BMPER: variants seen among roughly 807,000 people sequenced by gnomAD.
BMPER encodes the protein BMP binding endothelial regulator.
A neutral mutation model predicts 87.3 loss-of-function variants in BMPER; 45 were observed. The ratio of observed to expected loss-of-function variants is 0.52; its 90% CI spans 0.41 to 0.66. The LOEUF is 0.66. Among genes scored for constraint, BMPER ranks in the 30% least tolerant of loss-of-function variants. The pLI, the probability that BMPER is intolerant of heterozygous loss-of-function variation, is 0.00. For missense variants in BMPER, 784 were observed against 867.5 expected, an observed-to-expected ratio of 0.90 and a Z score of 1.21; for synonymous variants, 326 against 316.2, an observed-to-expected ratio of 1.03 and a Z score of -0.33.
intron 13 of BMPER, among the ~76,000 whole-genome samples, chr7:34,111,790 T>G (rs919657929): frequency 2.6e-5 from 4 of 152,190 alleles, no homozygotes; most frequent in African/African-American, 9.7e-5. Context: ...CTCGGCTCAC[T>G]GCAACCTCTG....
In BMPER at chr7:34,153,480, T is replaced by C. The variant is rs1791237763; in HGVS notation, c.*207T>C. ...ATTATTATATGTATATTTTTTGCTA[T>C]AAGACATGTATTGTTTCTAGGATCC... is the stretch of plus-strand genomic sequence containing the variant. On this transcript the variant is annotated 3_prime_UTR_variant, in exon 15 of 15. Transcript: ENST00000649409. The C allele has an allele frequency of 1.7e-5, 10 of 575,626 alleles. No individual in the cohort carries two copies. In the South Asian group the frequency reaches 2.2e-4, roughly 12 times the overall value. The allele number at this position is 575,626 out of a possible 1,614,324, so 35.7% of individuals were successfully genotyped here. A position where few individuals can be genotyped will look rare whatever the true frequency, so the allele number is the denominator to read the frequency against.
chr7:34,135,783 C>T (rs1790702822), intron 13 of BMPER, among the ~76,000 whole-genome samples: 1 of 152,204 alleles, frequency 6.6e-6, no homozygotes, highest in South Asian at 2.1e-4. Context: ...CTGTTAGCCT[C>T]TGTACCTTGT....
intron 2 of BMPER, among the ~76,000 whole-genome samples, chr7:33,907,918 T>G (rs1214719389): frequency 6.6e-6 from 1 of 152,156 alleles, no homozygotes; most frequent in Non-Finnish European, 1.5e-5. Context: ...AGAGTTGAGG[T>G]CAATGTTTTG....
intron 2 of BMPER, among the ~76,000 whole-genome samples, chr7:33,914,496 G>A (rs529245302): frequency 6.6e-6 from 1 of 152,258 alleles, no homozygotes; most frequent in East Asian, 1.9e-4. Context: ...GGTCATGTGG[G>A]TGGGTGGGTA....
chr7:33,966,102 T>A (rs751885563), intron 3 of BMPER, among the ~76,000 whole-genome samples: 2 of 152,216 alleles, frequency 1.3e-5, no homozygotes, highest in Non-Finnish European at 2.9e-5. Context: ...CTTTTGATCT[T>A]GAATTAATTT....
intron 3 of BMPER, chr7:33,937,677 A>G: frequency 2.3e-6 from 1 of 438,374 alleles, no homozygotes; most frequent in Non-Finnish European, 4.3e-6. Flanking sequence ...GAGAAGAGTC[A>G]ACCACCATGC....
intron 6 of BMPER, among the ~76,000 whole-genome samples, chr7:33,992,748 G>A (rs2127927696): frequency 6.7e-6 from 1 of 149,322 alleles, no homozygotes; most frequent in African/African-American, 2.5e-5. Flanking sequence ...TTTTGCAGCG[G>A]CTGGTACCGG....
chr7:33,916,666 A>T (rs971646232), intron 2 of BMPER, among the ~76,000 whole-genome samples: 1 of 152,208 alleles, frequency 6.6e-6, no homozygotes, highest in African/African-American at 2.4e-5. Context: ...CTTCTTGGTA[A>T]TAGCATGTTC....
At chr7:33,935,699 C>T (rs565584971) in intron 2 of BMPER, among the ~76,000 whole-genome samples, 23 of 152,224 alleles carry the variant, frequency 1.5e-4, no homozygotes, top group African/African-American at 5.5e-4. Flanking sequence ...AACAAAACAG[C>T]AGCAGCAGCC....
chr7:33,991,791 C>A (rs1453163445), intron 6 of BMPER, among the ~76,000 whole-genome samples: 7 of 147,400 alleles, frequency 4.7e-5, no homozygotes, highest in Non-Finnish European at 1.0e-4. Flanking sequence ...GCTTTGAATG[C>A]GTCCCAGAGA....
chr7:34,011,412 C>T (rs1786870832), intron 6 of BMPER, among the ~76,000 whole-genome samples: 1 of 151,528 alleles, frequency 6.6e-6, no homozygotes, highest in African/African-American at 2.4e-5. Context: ...CTAAAGGTAT[C>T]ACTGGAAGGA....
intron 6 of BMPER, among the ~76,000 whole-genome samples, chr7:33,995,209 G>T (rs1562677788): frequency 6.6e-6 from 1 of 151,964 alleles, no homozygotes; most frequent in Non-Finnish European, 1.5e-5. Flanking sequence ...AAACTAAAAA[G>T]ACTCTTACAT....
At chr7:34,024,385 ATAT>A (rs1787295183) in intron 6 of BMPER, among the ~76,000 whole-genome samples, 27 of 3,752 alleles carry the variant, frequency 7.2e-3, no homozygotes, top group Admixed American at 0.015. Context: ...AAAAAAAACA[ATAT>A]ATATATATAT....
chr7:33,975,609 C>T (rs1785667334), intron 6 of BMPER, among the ~76,000 whole-genome samples: 1 of 152,062 alleles, frequency 6.6e-6, no homozygotes, highest in African/African-American at 2.4e-5. Flanking sequence ...ACCAGCTGCT[C>T]CAAGTCATTT....
intron 13 of BMPER, among the ~76,000 whole-genome samples, chr7:34,113,490 A>AC (rs1443116146): frequency 1.1e-5 from 1 of 93,282 alleles, no homozygotes; most frequent in Admixed American, 1.2e-4. Context: ...TTTTATTTTA[A>AC]ATCTTTAATC....
chr7:34,077,186 G>T (rs1391880151), intron 11 of BMPER, among the ~76,000 whole-genome samples: 1 of 152,166 alleles, frequency 6.6e-6, no homozygotes, highest in African/African-American at 2.4e-5. Flanking sequence ...GAGAGAGAAT[G>T]TTGGGGGAAA....
chr7:33,991,454 G>C (rs1489457823), intron 6 of BMPER, among the ~76,000 whole-genome samples: 2 of 152,064 alleles, frequency 1.3e-5, no homozygotes, highest in African/African-American at 4.8e-5. Context: ...TGTGGGATCG[G>C]TGGTGATATC....
chr7:34,143,426 A>T, intron 14 of BMPER, 66 bp downstream of exon 14: 1 of 1,602,356 alleles, frequency 6.2e-7, no homozygotes, highest in Non-Finnish European at 8.5e-7. Context: ...GCAATGGAGG[A>T]GACTTGTGGA....
intron 2 of BMPER, among the ~76,000 whole-genome samples, chr7:33,907,949 TA>T (rs1452296305): frequency 1.3e-5 from 2 of 152,312 alleles, no homozygotes; most frequent in East Asian, 3.9e-4. Context: ...TGGGTGAAGG[TA>T]AATGGCTGTA....
Sources: gnomAD v4.1 joint callset for allele counts (sites outside exome capture counted in the v4.1 genomes callset) on GRCh38, gnomAD v4.1.1 for gene constraint, MANE v1.5 for transcripts, NCBI Gene and HGNC (gene_info 2026-07-23, HGNC 2026-07-21) for gene names.